MTMR9: variants seen among roughly 807,000 people sequenced by gnomAD.
MTMR9 encodes the protein myotubularin-related protein 9.
MTMR9 carries 39 observed loss-of-function variants against 69.5 expected under a neutral mutation model. That is an observed-to-expected ratio of 0.56 (90% CI 0.43 to 0.73). The LOEUF is 0.73. Ranked by LOEUF, MTMR9 falls within the 30% of genes least tolerant of loss-of-function variation. The pLI is 0.00. For missense variants in MTMR9, 900 were observed against 671.2 expected (o/e 1.34, Z -3.77); for synonymous variants, 354 against 240.8 (o/e 1.47, Z -4.35).
chr8:11,312,756 A>G (rs1231550319), intron 6 of MTMR9, among the ~76,000 whole-genome samples: 2 of 152,244 alleles, frequency 1.3e-5, no homozygotes, highest in East Asian at 3.8e-4. Context: ...CAGAGGAATC[A>G]CTAGCTAGGG....
At chr8:11,295,427 A>G in intron 2 of MTMR9, 125 bp downstream of exon 2, 1 of 669,016 alleles carries the variant, frequency 1.5e-6, no homozygotes, top group Non-Finnish European at 2.6e-6. Flanking sequence ...GACTGATAGG[A>G]AAAGCCTCAC....
chr8:11,304,698 T>A, intron 3 of MTMR9, 143 bp from the exon 4 acceptor site: 1 of 769,778 alleles, frequency 1.3e-6, no homozygotes. Flanking sequence ...TACTTACATA[T>A]AAGCTAGAGA....
intron 9 of MTMR9, chr8:11,321,176 C>A (rs932551311): frequency 7.4e-6 from 2 of 270,076 alleles, no homozygotes; most frequent in Non-Finnish European, 1.5e-5. Flanking sequence ...TTGAAGTGTC[C>A]CCTAGTTAGC....
chr8:11,295,932 A>G (rs946181103), intron 2 of MTMR9, among the ~76,000 whole-genome samples: 1 of 152,204 alleles, frequency 6.6e-6, no homozygotes, highest in South Asian at 2.1e-4. Context: ...AGACACTGCA[A>G]ACCACTAGTG....
chr8:11,322,743 G>C lies in MTMR9; in HGVS notation c.1605G>C (p.Gln535His). 1.2e-6 allele frequency: 2 copies of C among 1,614,052 alleles called. No homozygotes were observed. The highest frequency in any genetic ancestry group is 1.7e-6 in the Non-Finnish European group (2 of 1,179,972). ...CAAAAGTCAATATCCTTCGAAGGCA[G>C]TTGGCAGAACTGGAAACAGAGGACG... ...LQAKVNILRR[Q>H]LAELETEDGM... Residue 535 changes from glutamine (Q) to histidine (H), a missense_variant, in exon 10 of 10, where the codon CAG becomes CAC. By Grantham distance (24) the Gln-to-His change is conservative. Coordinates refer to ENST00000221086, the MANE Select transcript of MTMR9 (RefSeq NM_015458.4).
chr8:11,305,601 A>C (rs1246807668), intron 4 of MTMR9, among the ~76,000 whole-genome samples: 1 of 152,210 alleles, frequency 6.6e-6, no homozygotes, highest in African/African-American at 2.4e-5. Context: ...TCAAAAGCAA[A>C]CATTTCCAGA....
chr8:11,314,422 A>G (rs1800327613), intron 6 of MTMR9, among the ~76,000 whole-genome samples: 1 of 152,142 alleles, frequency 6.6e-6, no homozygotes, highest in African/African-American at 2.4e-5. Flanking sequence ...AGTGTGGTCT[A>G]GGTCTCATTT....
At chr8:11,294,499 A>ATTTTTTTTTTTTTTTTTTTT (rs1799478410) in intron 1 of MTMR9, among the ~76,000 whole-genome samples, 1 of 83,794 alleles carries the variant, frequency 1.2e-5, no homozygotes, top group African/African-American at 9.7e-5. Context: ...AAATACTTTC[A>ATTTTTTTTTTTTTTTTTTTT]CTTTTTTTTT....
chr8:11,296,701 G>T (rs1334549625), intron 2 of MTMR9, among the ~76,000 whole-genome samples: 1 of 152,106 alleles, frequency 6.6e-6, no homozygotes, highest in Non-Finnish European at 1.5e-5. Context: ...CATCTGTGTT[G>T]TAAATTCTGA....
At chr8:11,285,177 G>C (rs1017627784) in intron 1 of MTMR9, 107 bp downstream of exon 1, 4 of 1,119,212 alleles carry the variant, frequency 3.6e-6, no homozygotes, top group East Asian at 2.7e-5. Flanking sequence ...CCAGCTAGCC[G>C]GCAAGATGAG....
At chr8:11,302,182 A>G (rs929983339) in intron 3 of MTMR9, among the ~76,000 whole-genome samples, 1 of 148,742 alleles carries the variant, frequency 6.7e-6, no homozygotes, top group Admixed American at 6.8e-5. Flanking sequence ...GAGCCCAGAA[A>G]GTTGAGTTTG....
intron 2 of MTMR9, among the ~76,000 whole-genome samples, chr8:11,299,438 AT>A (rs374701826): frequency 1.4e-3 from 207 of 152,284 alleles, no homozygotes; most frequent in African/African-American, 4.8e-3. Context: ...TAGGTATGTT[AT>A]TTCCCCCATT....
At chr8:11,331,744 T>G, downstream of MTMR9, 1 of 1,611,954 alleles carries the variant, frequency 6.2e-7, no homozygotes, top group Non-Finnish European at 8.5e-7. Context: ...TATCGTTCTC[T>G]GCACTTTCCC....
intron 5 of MTMR9, among the ~76,000 whole-genome samples, chr8:11,306,815 CTT>C (rs1399678975): frequency 5.3e-5 from 8 of 152,134 alleles, no homozygotes; most frequent in African/African-American, 1.7e-4. Context: ...CTAAGTGAAA[CTT>C]TGTTGTTACC....
At chr8:11,315,360 C>T (rs771063290) in intron 7 of MTMR9, among the ~76,000 whole-genome samples, 8 of 152,104 alleles carry the variant, frequency 5.3e-5, no homozygotes, top group Non-Finnish European at 1.0e-4. Context: ...TGGGTCTTGA[C>T]GGATCAAAGA....
intron 8 of MTMR9, chr8:11,318,742 T>G (rs960100703): frequency 2.6e-5 from 4 of 152,250 alleles, no homozygotes; most frequent in Admixed American, 2.0e-4. Flanking sequence ...TGGATATAGA[T>G]TAAATATGTA....
At chr8:11,321,574 G>A (rs1800693636) in intron 9 of MTMR9, 1 of 451,788 alleles carries the variant, frequency 2.2e-6, no homozygotes, top group Non-Finnish European at 4.5e-6. Context: ...GAGTTTCAGT[G>A]TGTGTTTCAT....
chr8:11,331,970 C>T (rs762601745), downstream of MTMR9: 62 of 1,611,852 alleles, frequency 3.8e-5, no homozygotes, highest in South Asian at 1.1e-4. Context: ...TCCTGCATTC[C>T]GAGGTGGTTG....
intron 1 of MTMR9, 102 bp downstream of exon 1, chr8:11,285,172 T>C (rs1358794523): frequency 5.7e-6 from 7 of 1,227,722 alleles, no homozygotes; most frequent in Non-Finnish European, 7.8e-6. Context: ...GCCGCCCAGC[T>C]AGCCGGCAAG....
Sources: gnomAD v4.1 joint callset for allele counts (sites outside exome capture counted in the v4.1 genomes callset) on GRCh38, gnomAD v4.1.1 for gene constraint, MANE v1.5 for transcripts, NCBI Gene and HGNC (gene_info 2026-07-23, HGNC 2026-07-21) for gene names.